ICE2: variants seen among roughly 807,000 people sequenced by gnomAD.
ICE2 encodes little elongation complex subunit 2.
ICE2 carries 87 observed loss-of-function variants against 105.4 expected under a neutral mutation model. The observed-to-expected ratio is 0.83, with a 90% CI of 0.69 to 0.99. The LOEUF is 0.99. ICE2 is among the 50% of genes least tolerant of loss of function. ICE2 has a pLI of 0.00. For missense variants in ICE2, 1,323 were observed against 1,146.7 expected, an observed-to-expected ratio of 1.15 and a Z score of -2.22; for synonymous variants, 399 against 392.0, an observed-to-expected ratio of 1.02 and a Z score of -0.21.
chr15:60,458,417 G>A (rs540024159), intron 5 of ICE2, among the ~76,000 whole-genome samples: 1 of 152,190 alleles, frequency 6.6e-6, no homozygotes, highest in Non-Finnish European at 1.5e-5. Flanking sequence ...TTTTGGGCTG[G>A]AAAGGAAAAA....
At chr15:60,425,347 C>T (rs149284436) in intron 15 of ICE2, among the ~76,000 whole-genome samples, 64 of 152,266 alleles carry the variant, frequency 4.2e-4, no homozygotes, top group Admixed American at 1.4e-3. Flanking sequence ...GGTATATTGA[C>T]CACACTAATT....
chr15:60,431,804 T>C, intron 14 of ICE2, 130 bp downstream of exon 14: 1 of 525,468 alleles, frequency 1.9e-6, no homozygotes, highest in Non-Finnish European at 3.4e-6. Flanking sequence ...AATGTTTACA[T>C]TTGACATAAT....
intron 5 of ICE2, among the ~76,000 whole-genome samples, chr15:60,465,195 T>C (rs1211883181): frequency 6.6e-6 from 1 of 152,148 alleles, no homozygotes; most frequent in Non-Finnish European, 1.5e-5. Flanking sequence ...TGTTTTTTTT[T>C]TCCTTCCTTT....
rs761991924 is a variant in ICE2, at chr15:60,466,607, C to T, written c.515G>A (p.Arg172His). The change falls in exon 5 of 16, where the codon CGT (arginine) becomes CAT (histidine). Residue 172 changes from arginine to histidine, a missense_variant. Transcript: ENST00000261520. Reference sequence around the variant, plus strand: ...TTGTTTTTTTACCTCTGTGAAGAGACGGGCATCATCAGAAAGCATATTATA... The same window carrying T: ...TTGTTTTTTTACCTCTGTGAAGAGATGGGCATCATCAGAAAGCATATTATA... ...QDYNMLSDDA[R>H]LFTEKILRAC... 76 of 1,610,702 alleles carry T rather than the reference C, an allele frequency of 4.7e-5. No homozygotes were observed. The highest frequency in any genetic ancestry group is 1.7e-4 in the Middle Eastern group (1 of 5,798).
chr15:60,453,817 A>G, intron 8 of ICE2, 33 bp from the exon 9 acceptor site: 1 of 1,484,708 alleles, frequency 6.7e-7, no homozygotes, highest in South Asian at 1.2e-5. Flanking sequence ...AGAGGTGATT[A>G]GTATCTAATT....
At chr15:60,453,159 G>C (rs1355810841) in intron 9 of ICE2, 3 of 806,370 alleles carry the variant, frequency 3.7e-6, no homozygotes, top group Non-Finnish European at 4.5e-6. Context: ...TTGAACCCGG[G>C]AGGCGGAGGT....
intron 6 of ICE2, among the ~76,000 whole-genome samples, chr15:60,455,753 G>A (rs1259246864): frequency 2.6e-5 from 4 of 152,038 alleles, no homozygotes; most frequent in African/African-American, 9.7e-5. Context: ...GAATAGCTGG[G>A]ATAACAGGTG....
chr15:60,435,895 C>T (rs1463458982), intron 13 of ICE2, among the ~76,000 whole-genome samples: 3 of 151,948 alleles, frequency 2.0e-5, no homozygotes, highest in South Asian at 2.1e-4. Context: ...ATCCCTTGAA[C>T]CGGGGAGGCA....
Position 60,449,342 on chromosome 15 carries a change from G to C in ICE2, c.1625C>G (p.Pro542Arg). 1 of 1,613,058 alleles carries C rather than the reference G, an allele frequency of 6.2e-7. No homozygotes were observed. Among genetic ancestry groups the C allele is most frequent in the South Asian group, 1.1e-5 (1 of 91,040 alleles). The change falls in exon 10 of 16, where the codon CCT becomes CGT. Residue 542 changes from proline (P) to arginine (R), a missense_variant. Transcript: ENST00000261520. ...IDILHADGER[P>R]NVLENLDNSK... ...GTTGTCTAGGTTTTCTAGAACATTAGGTCTTTCACCATCAGCATGTAATAT... is the reference window on the plus strand; with the variant it reads ...GTTGTCTAGGTTTTCTAGAACATTACGTCTTTCACCATCAGCATGTAATAT...
rs935441376 is a variant in ICE2 at position 60,441,433 on chromosome 15, T to C, written c.2425+983A>G. On this transcript the variant is annotated intron_variant, in intron 12 of 15. Coordinates refer to ENST00000261520, the MANE Select transcript of ICE2 (RefSeq NM_024611.6). ...AAGAAACACACCCTCATAGGATTTATTACATACAAGCAATCAAGCTATGCA... is the reference window on the plus strand; with the variant it reads ...AAGAAACACACCCTCATAGGATTTACTACATACAAGCAATCAAGCTATGCA... 3.9e-5 allele frequency: 6 copies of C among 152,232 alleles called. No homozygotes were observed. The South Asian group carries it at 1.2e-3, about 32-fold the overall frequency. The allele number at this position is 152,232 out of a possible 1,614,324, so 9.4% of individuals were successfully genotyped here.
In ICE2 at chr15:60,428,464, GA is replaced by G. The variant is rs2063384850; in HGVS notation, c.2784del (p.Pro929HisfsTer53). On this transcript the variant is annotated frameshift_variant, in exon 15 of 16. Transcript: ENST00000261520. LOFTEE classifies it high-confidence loss of function. ...GTTGTGGTATCCAGTGATTTCGGTG[GA>G]AAAGTACAAGGTATTCTTCCATGAT... is the stretch of plus-strand genomic sequence containing the variant. ...HIHHGRIPCT[F>X]PPKSLDTTTQ... 1 of 1,614,022 alleles carries G rather than the reference GA, an allele frequency of 6.2e-7. No homozygotes were observed. The highest frequency in any genetic ancestry group is 1.3e-5 in the African/African-American group (1 of 75,028).
chr15:60,479,056 C>T lies in ICE2; in HGVS notation c.-146G>A, dbSNP rs1215359307. 1 of 454,896 alleles carries T rather than the reference C, an allele frequency of 2.2e-6. No homozygotes were observed. The highest frequency in any genetic ancestry group is 2.0e-5 in the African/African-American group (1 of 50,040). 28.2% of individuals were successfully genotyped at this position (454,896 alleles called of 1,614,324 possible). A position where few individuals can be genotyped will look rare whatever the true frequency, so the allele number is the denominator to read the frequency against. ...GCCGCAGCCACACACCACACACGCT[C>T]CACCCCACTCCTCACATTGTCGCGC... On this transcript the variant is annotated 5_prime_UTR_variant, in exon 1 of 16. Coordinates refer to ENST00000261520, the MANE Select transcript of ICE2 (RefSeq NM_024611.6).
intron 1 of ICE2, among the ~76,000 whole-genome samples, chr15:60,478,364 C>A (rs1382885008): frequency 3.9e-5 from 6 of 152,192 alleles, no homozygotes; most frequent in Non-Finnish European, 5.9e-5. Flanking sequence ...TGGCATGGAA[C>A]GGGAAGTCAA....
In ICE2 at chr15:60,443,696, T is replaced by G. The variant is rs79894462; in HGVS notation, c.2296-1151A>C. Among the ~76,000 whole-genome samples the G allele has an allele frequency of 1.3e-5, 2 of 152,246 alleles. 1 individual carries two copies. Among genetic ancestry groups the G allele is most frequent in the African/African-American group, 4.8e-5 (2 of 41,520 alleles). ...AATTAAAAACAAAATTAAATGTGAT[T>G]AGGATTTTACCAATAAAGCATTTTA... is the stretch of plus-strand genomic sequence containing the variant. On this transcript the variant is annotated intron_variant, in intron 11 of 15. Transcript: ENST00000261520.
chr15:60,447,753 G>A, intron 11 of ICE2: 3 of 400,090 alleles, frequency 7.5e-6, no homozygotes, highest in South Asian at 4.6e-5. Flanking sequence ...TATATTCCAA[G>A]CATGAATGTT....
intron 10 of ICE2, 134 bp downstream of exon 10, chr15:60,448,714 A>AT (rs2063883090): frequency 1.3e-6 from 1 of 777,260 alleles, no homozygotes; most frequent in Non-Finnish European, 2.0e-6. Flanking sequence ...TGATCAATAG[A>AT]TCGAAAAAAT....
intron 11 of ICE2, among the ~76,000 whole-genome samples, chr15:60,446,115 A>G (rs981663613): frequency 2.0e-5 from 3 of 152,258 alleles, no homozygotes; most frequent in African/African-American, 7.2e-5. Context: ...AGAGCACTAA[A>G]ACCAAACAGT....
At chr15:60,466,460 G>A (rs1226950989) in intron 5 of ICE2, 134 bp downstream of exon 5, 4 of 927,570 alleles carry the variant, frequency 4.3e-6, no homozygotes, top group Middle Eastern at 3.3e-4. Context: ...AATGCATGAT[G>A]AAGAAAAGAC....
intron 1 of ICE2, chr15:60,478,730 C>G (rs1468504203): frequency 2.9e-6 from 1 of 345,600 alleles, no homozygotes; most frequent in African/African-American, 2.2e-5. Flanking sequence ...ATCTACCTCT[C>G]ACACTTCGAC....
Sources: gnomAD v4.1 joint callset for allele counts (sites outside exome capture counted in the v4.1 genomes callset) on GRCh38, gnomAD v4.1.1 for gene constraint, MANE v1.5 for transcripts, NCBI Gene and HGNC (gene_info 2026-07-23, HGNC 2026-07-21) for gene names.